Variants in ABHD18 observed in about 807,000 individuals in gnomAD.
The protein encoded by ABHD18 is abhydrolase domain containing 18.
In ABHD18, 55 loss-of-function variants were observed where a neutral mutation model predicts 65.9. That is an observed-to-expected ratio of 0.84 (90% CI 0.67 to 1.05). The LOEUF is 1.05. Ranked by LOEUF, ABHD18 falls within the 50% of genes least tolerant of loss-of-function variation. The pLI, the probability that ABHD18 is intolerant of heterozygous loss-of-function variation, is 0.00. For synonymous variants in ABHD18, 181 were observed against 180.2 expected, an observed-to-expected ratio of 1.00 and a Z score of -0.04; for missense variants, 533 against 558.5, an observed-to-expected ratio of 0.95 and a Z score of 0.46.
chr4:127,985,610 T>TAA (rs1042590554), intron 3 of ABHD18, among the ~76,000 whole-genome samples: 19 of 151,268 alleles, frequency 1.3e-4, no homozygotes, highest in Non-Finnish European at 2.8e-4. Flanking sequence ...CATACCAAGT[T>TAA]AAAAAAAAAT....
rs1755697967 is a variant in ABHD18 at position 128,017,385 on chromosome 4, T to C, written c.493T>C (p.Ser165Pro). 2 of 1,613,858 alleles carry C rather than the reference T, an allele frequency of 1.2e-6. No individual in the cohort carries two copies. Among genetic ancestry groups the C allele is most frequent in the East Asian group, 4.5e-5 (2 of 44,870 alleles). Reference protein sequence around the residue: ...DQVRSSLKNVSDLFVMGGALV... With the variant: ...DQVRSSLKNVPDLFVMGGALV... ...TAGAAGGTCCAGCTTAAAAAATGTG[T>C]CCGACCTTTTTGTGATGGGAGGAGC... is the stretch of plus-strand genomic sequence containing the variant. Residue 165 changes from serine to proline, a missense_variant, in exon 8 of 13, where the codon TCC becomes CCC. Coordinates refer to ENST00000645843, the MANE Select transcript of ABHD18 (RefSeq NM_001358451.3).
intron 12 of ABHD18, among the ~76,000 whole-genome samples, chr4:128,032,711 A>G (rs1187691015): frequency 1.3e-5 from 2 of 152,166 alleles, no homozygotes; most frequent in Non-Finnish European, 2.9e-5. Context: ...AGCCTGGGTG[A>G]CAGTGAGACT....
chr4:127,979,453 G>C (rs1267525558), intron 1 of ABHD18, among the ~76,000 whole-genome samples: 2 of 152,188 alleles, frequency 1.3e-5, no homozygotes, highest in African/African-American at 4.8e-5. Context: ...TACTCGGGAG[G>C]CTGAGGCAGG....
In ABHD18 at chr4:128,038,070, AAGG is replaced by A. The variant is rs374042102; in HGVS notation, c.*2260_*2262del. On this transcript the variant is annotated 3_prime_UTR_variant, in exon 13 of 13. Transcript: ENST00000645843. ...ATAATGTGCCTTTGCAGTCTTTTTA[AAGG>A]AGATTTCATTTGTCACCTCTATGCC... 412 of 152,322 alleles carry A rather than the reference AAGG, an allele frequency of 2.7e-3. 3 individuals are homozygous for A. The highest frequency in any genetic ancestry group is 9.6e-3 in the African/African-American group (401 of 41,582). 9.4% of individuals were successfully genotyped at this position (152,322 alleles called of 1,614,324 possible).
intron 4 of ABHD18, among the ~76,000 whole-genome samples, chr4:127,991,412 C>T (rs911049935): frequency 3.9e-5 from 6 of 151,932 alleles, no homozygotes; most frequent in African/African-American, 1.2e-4. Context: ...TTAGTAGAGA[C>T]GGGGTTTCAA....
Position 128,028,651 on chromosome 4 carries a change from A to G in ABHD18, c.978A>G (p.Ser326=), listed in dbSNP as rs370384490. Residue 326 remains serine, a synonymous_variant, in exon 11 of 13, where the codon TCA becomes TCG. Transcript: ENST00000645843. ...GCAAAACATCTGTCAGTGCGACATC[A>G]GAAGGACTCTTATTGCAAGATACCT... ...NSSKTSVSAT[S]EGLLLQDTSK... is the part of the protein sequence containing the mutation. 8 of 1,613,886 alleles carry G rather than the reference A, an allele frequency of 5.0e-6. No individual in the cohort carries two copies. The East Asian group carries it at 1.1e-4, about 22-fold the overall frequency.
intron 10 of ABHD18, among the ~76,000 whole-genome samples, chr4:128,027,354 A>C (rs754537941): frequency 3.7e-4 from 57 of 152,200 alleles, no homozygotes; most frequent in Non-Finnish European, 7.3e-4. Context: ...CCTTAAACTT[A>C]GAATATAGTT....
At position 128,039,873 on chromosome 4, in the gene ABHD18, A is replaced by G. The variant is rs764675687; in HGVS notation, c.*4060A>G. 6.6e-5 allele frequency: 10 copies of G among 152,202 alleles called. No homozygotes were observed. The highest frequency in any genetic ancestry group is 1.3e-4 in the Admixed American group (2 of 15,262). The allele number at this position is 152,202 out of a possible 1,614,324, so 9.4% of individuals were successfully genotyped here. ...TAAGCAAGGGAGGCTCTAGCAGAAC[A>G]GTATCAGTATCTCTATAAAAATAAC... On this transcript the variant is annotated 3_prime_UTR_variant, in exon 13 of 13. Coordinates refer to ENST00000645843, the MANE Select transcript of ABHD18 (RefSeq NM_001358451.3).
chr4:127,975,259 T>G (rs527369969), intron 1 of ABHD18, among the ~76,000 whole-genome samples: 26 of 152,304 alleles, frequency 1.7e-4, no homozygotes, highest in African/African-American at 6.3e-4. Flanking sequence ...TCCAGTTTTC[T>G]TCTTGCAAAA....
chr4:127,972,365 C>T (rs1746997448), intron 1 of ABHD18, among the ~76,000 whole-genome samples: 1 of 152,090 alleles, frequency 6.6e-6, no homozygotes, highest in African/African-American at 2.4e-5. Flanking sequence ...TCAGAGGGTC[C>T]CAAAGTTCCT....
At position 127,984,428 on chromosome 4, in the gene ABHD18, T is replaced by G; in HGVS notation, c.177+5T>G. 6.7e-7 allele frequency: 1 copy of G among 1,483,832 alleles called. No individual in the cohort carries two copies. The highest frequency in any genetic ancestry group is 1.3e-5 in the South Asian group (1 of 77,794). 91.9% of individuals were successfully genotyped at this position (1,483,832 alleles called of 1,614,324 possible). A position where few individuals can be genotyped will look rare whatever the true frequency, so the allele number is the denominator to read the frequency against. On this transcript the variant is annotated splice_donor_5th_base_variant and intron_variant, in intron 3 of 12. Coordinates refer to ENST00000645843, the MANE Select transcript of ABHD18 (RefSeq NM_001358451.3). ...TATCCAGTACACATTGATAAGGTAT[T>G]CAAATGAGAGAAACACAGTTATAGG...
rs144852947 is a variant in ABHD18, at chr4:128,013,597, C to T, written c.470+1897C>T. On this transcript the variant is annotated intron_variant, in intron 7 of 12. Coordinates refer to ENST00000645843, the MANE Select transcript of ABHD18 (RefSeq NM_001358451.3). ...CCTGTAGTCCCAGCTACTCAGGAGG[C>T]TGAGGCAGGAGAATGGCGTGAACCC... Among the ~76,000 whole-genome samples, 530 of 151,982 alleles carry T rather than the reference C, an allele frequency of 3.5e-3. 20 individuals are homozygous for T. The highest frequency in any genetic ancestry group is 0.032 in the Admixed American group (494 of 15,266).
chr4:128,026,451 TCCA>T (rs1205019773), intron 10 of ABHD18, among the ~76,000 whole-genome samples: 1 of 146,460 alleles, frequency 6.8e-6, no homozygotes, highest in Non-Finnish European at 1.5e-5. Flanking sequence ...AGAGTAAGAC[TCCA>T]CCTCAAAAAA....
At chr4:128,000,440 G>A (rs1453790320) in intron 4 of ABHD18, among the ~76,000 whole-genome samples, 1 of 152,176 alleles carries the variant, frequency 6.6e-6, no homozygotes, top group Non-Finnish European at 1.5e-5. Context: ...TTATAGGTGT[G>A]TGGCTTTATT....
chr4:127,994,690 T>A (rs1751460190), intron 4 of ABHD18, among the ~76,000 whole-genome samples: 1 of 152,208 alleles, frequency 6.6e-6, no homozygotes, highest in African/African-American at 2.4e-5. Context: ...CAAGATTGAA[T>A]TCTAATACAA....
chr4:128,018,185 C>G (rs1310484539), intron 8 of ABHD18, among the ~76,000 whole-genome samples: 2 of 152,166 alleles, frequency 1.3e-5, no homozygotes, highest in Non-Finnish European at 2.9e-5. Flanking sequence ...TGATTAGTAA[C>G]TTTTTACTGT....
At chr4:128,010,821 A>G (rs903380611) in intron 6 of ABHD18, among the ~76,000 whole-genome samples, 1 of 149,754 alleles carries the variant, frequency 6.7e-6, no homozygotes, top group African/African-American at 2.5e-5. Context: ...AGGCTGAGGC[A>G]GGAGAATCCC....
chr4:127,993,116 T>A (rs1751200792), intron 4 of ABHD18, among the ~76,000 whole-genome samples: 1 of 152,104 alleles, frequency 6.6e-6, no homozygotes. Context: ...AATGTGTAGC[T>A]CTTTAGCCAG....
chr4:128,023,697 G>A lies in ABHD18; in HGVS notation c.801+2459G>A, dbSNP rs144550427. ...AGATCGAGACCATATTGGCCAATAC[G>A]GTGAAACCCCATCTCTACTAAAAAT... On this transcript the variant is annotated intron_variant, in intron 10 of 12. Coordinates refer to ENST00000645843, the MANE Select transcript of ABHD18 (RefSeq NM_001358451.3). Among the ~76,000 whole-genome samples the A allele has an allele frequency of 5.1e-3, 775 of 152,018 alleles. 10 individuals are homozygous for A. Among genetic ancestry groups the A allele is most frequent in the African/African-American group, 0.018 (740 of 41,494 alleles).
Sources: gnomAD v4.1 joint callset for allele counts (sites outside exome capture counted in the v4.1 genomes callset) on GRCh38, gnomAD v4.1.1 for gene constraint, MANE v1.5 for transcripts, NCBI Gene and HGNC (gene_info 2026-07-23, HGNC 2026-07-21) for gene names.